The following EDIL3 variants were observed in gnomAD, a reference collection of about 807,000 sequenced individuals.
The protein encoded by EDIL3 is EGF-like repeat and discoidin I-like domain-containing protein 3.
In EDIL3, 37 loss-of-function variants were observed where a neutral mutation model predicts 67.4. That is an observed-to-expected ratio of 0.55 (90% confidence interval 0.42 to 0.72). The LOEUF is 0.72. Among genes scored for constraint, EDIL3 ranks in the 30% least tolerant of loss-of-function variants. The probability of loss-of-function intolerance (pLI) is 0.00; values close to 1 mark genes in which losing one functional copy is unlikely to be tolerated. For missense variants in EDIL3, 527 were observed against 586.3 expected (o/e 0.90, Z 1.04); for synonymous variants, 195 against 196.3 (o/e 0.99, Z 0.05).
At chr5:84,220,058 T>C (rs13166502) in intron 3 of EDIL3, among the ~76,000 whole-genome samples, 26,249 of 152,038 alleles carry the variant, frequency 0.17, 2,339 homozygotes, top group East Asian at 0.34. Context: ...CACAGCAGGG[T>C]AACTGCAGTC....
chr5:84,129,977 A>G (rs1337868160), intron 5 of EDIL3, among the ~76,000 whole-genome samples: 1 of 152,176 alleles, frequency 6.6e-6, no homozygotes, highest in Non-Finnish European at 1.5e-5. Flanking sequence ...ATTCTTAAAG[A>G]CAAAGGATCT....
intron 1 of EDIL3, among the ~76,000 whole-genome samples, chr5:84,302,490 G>T (rs1746181250): frequency 6.6e-6 from 1 of 152,120 alleles, no homozygotes; most frequent in Non-Finnish European, 1.5e-5. Context: ...TAAAGACGGG[G>T]TTTCACTGTG....
rs146077789 is a variant in EDIL3, at chr5:83,943,313, GA to G, written c.*105del. The G allele has an allele frequency of 0.21, 252,400 of 1,217,002 alleles. 1,284 individuals are homozygous for G. The highest frequency in any genetic ancestry group is 0.32 in the East Asian group (11,658 of 35,970). The allele number at this position is 1,217,002 out of a possible 1,614,324, so 75.4% of individuals were successfully genotyped here. ...TACCATAATTTGAGCACTTTTTCATGAAAAAAAAAAAAAAACCATTCAGTTT... is the reference window on the plus strand; with the variant it reads ...TACCATAATTTGAGCACTTTTTCATGAAAAAAAAAAAAAACCATTCAGTTT... On this transcript the variant is annotated 3_prime_UTR_variant, in exon 11 of 11. Transcript: ENST00000296591.
At chr5:84,004,289 C>T (rs550015715) in intron 9 of EDIL3, among the ~76,000 whole-genome samples, 1 of 152,082 alleles carries the variant, frequency 6.6e-6, no homozygotes, top group East Asian at 1.9e-4. Context: ...ATCAAAGATA[C>T]TTGGGGCCTA....
intron 3 of EDIL3, among the ~76,000 whole-genome samples, chr5:84,185,418 C>CT (rs936714181): frequency 8.6e-5 from 13 of 152,014 alleles, no homozygotes. Context: ...CTTGTACAGA[C>CT]TTTTTTTCAA....
intron 9 of EDIL3, among the ~76,000 whole-genome samples, chr5:84,033,704 TAAA>T (rs71605889): frequency 0.014 from 1,259 of 92,786 alleles, 30 homozygotes; most frequent in African/African-American, 0.045. Flanking sequence ...ACATTGTCTC[TAAA>T]AAAAAAAAAA....
At chr5:84,203,111 G>C (rs1743880704) in intron 3 of EDIL3, among the ~76,000 whole-genome samples, 1 of 152,044 alleles carries the variant, frequency 6.6e-6, no homozygotes, top group Non-Finnish European at 1.5e-5. Flanking sequence ...AAGAAGTAAT[G>C]GATTGTTGTT....
intron 4 of EDIL3, among the ~76,000 whole-genome samples, chr5:84,157,181 C>T (rs1482362817): frequency 1.3e-5 from 2 of 151,876 alleles, no homozygotes; most frequent in Non-Finnish European, 2.9e-5. Flanking sequence ...TTGGTTTTCT[C>T]TTTAAAAAGA....
At chr5:84,066,698 C>T in intron 6 of EDIL3, 92 bp from the exon 7 acceptor site, 1 of 1,427,556 alleles carries the variant, frequency 7.0e-7, no homozygotes. Context: ...ATTGTTAATG[C>T]AGATTAATAA....
Position 84,230,763 on chromosome 5 carries a change from A to ATGTGTGTGTGTGTGTGTGTGTG in EDIL3, c.197-901_197-880dup, listed in dbSNP as rs59552122. ...CTCTCTCTCTCTCTCCCACTACGTG[A>ATGTGTGTGTGTGTGTGTGTGTG]TGTGTGTGTGTGTGTGTGTGTGTGT... is the stretch of plus-strand genomic sequence containing the variant. On this transcript the variant is annotated intron_variant, in intron 2 of 10. Transcript: ENST00000296591. 1.0e-3 allele frequency among the ~76,000 whole-genome samples: 144 copies of ATGTGTGTGTGTGTGTGTGTGTG among 137,222 alleles called. 1 individual carries two copies. The highest frequency in any genetic ancestry group is 2.5e-3 in the South Asian group (10 of 3,986). 90.0% of individuals were successfully genotyped at this position (137,222 alleles called of 152,430 possible).
intron 6 of EDIL3, among the ~76,000 whole-genome samples, chr5:84,103,788 C>T (rs1386313146): frequency 1.3e-5 from 2 of 151,984 alleles, no homozygotes; most frequent in East Asian, 1.9e-4. Context: ...ATTATTTCAA[C>T]GATTGTGGAA....
At chr5:84,348,415 T>C (rs980242948) in intron 1 of EDIL3, among the ~76,000 whole-genome samples, 1 of 152,126 alleles carries the variant, frequency 6.6e-6, no homozygotes, top group Admixed American at 6.6e-5. Context: ...GCCTGCTGTA[T>C]CCATCTTGCC....
At chr5:84,229,271 C>T (rs1286714766) in intron 3 of EDIL3, among the ~76,000 whole-genome samples, 1 of 152,136 alleles carries the variant, frequency 6.6e-6, no homozygotes, top group Non-Finnish European at 1.5e-5. Context: ...AGGCCACAGC[C>T]TGTGTTTGAT....
rs1748348759 is a variant in EDIL3, at chr5:84,149,419, G to A, written c.356-12065C>T. 2.6e-5 allele frequency among the ~76,000 whole-genome samples: 4 copies of A among 152,300 alleles called. No individual in the cohort carries two copies. The South Asian group carries it at 8.3e-4, about 32-fold the overall frequency. Reference sequence around the variant, plus strand: ...AAACTGTTTCATGGGGCATTGGGCAGAGGACCCAGAATGGTTTTGTCTTAG... The same window carrying A: ...AAACTGTTTCATGGGGCATTGGGCAAAGGACCCAGAATGGTTTTGTCTTAG... On this transcript the variant is annotated intron_variant, in intron 4 of 10. Transcript: ENST00000296591.
At chr5:83,979,050 G>T (rs1482488694) in intron 9 of EDIL3, among the ~76,000 whole-genome samples, 1 of 151,882 alleles carries the variant, frequency 6.6e-6, no homozygotes, top group Non-Finnish European at 1.5e-5. Flanking sequence ...AAAGTCCTAA[G>T]AACTATGATA....
rs371587775 is a variant in EDIL3 at position 84,371,936 on chromosome 5, G to C, written c.67+12372C>G. 3.3e-5 allele frequency among the ~76,000 whole-genome samples: 5 copies of C among 151,932 alleles called. No individual in the cohort carries two copies. In the East Asian group the frequency reaches 5.8e-4, roughly 18 times the overall value. The stretch of plus-strand genomic sequence containing the variant: ...CAATTCAAACTTTCAGTCCCACCAC[G>C]ATCTATGGATCCCATCACTTTTTGA... On this transcript the variant is annotated intron_variant, in intron 1 of 10. Coordinates refer to ENST00000296591, the MANE Select transcript of EDIL3 (RefSeq NM_005711.5).
chr5:84,124,575 G>A (rs1747832992), intron 5 of EDIL3, among the ~76,000 whole-genome samples: 2 of 151,986 alleles, frequency 1.3e-5, no homozygotes, highest in South Asian at 4.1e-4. Flanking sequence ...ATAGATAATT[G>A]TGCATTAGAA....
chr5:84,348,336 G>A (rs1747275900), intron 1 of EDIL3, among the ~76,000 whole-genome samples: 1 of 152,084 alleles, frequency 6.6e-6, no homozygotes, highest in South Asian at 2.1e-4. Context: ...AATGGTATGG[G>A]AGCTGGGCAT....
intron 1 of EDIL3, among the ~76,000 whole-genome samples, chr5:84,306,318 C>A (rs1746275995): frequency 6.6e-6 from 1 of 152,236 alleles, no homozygotes; most frequent in South Asian, 2.1e-4. Context: ...CCTTTAAAGT[C>A]ATAACATTTG....
Sources: gnomAD v4.1 joint callset for allele counts (sites outside exome capture counted in the v4.1 genomes callset) on GRCh38, gnomAD v4.1.1 for gene constraint, MANE v1.5 for transcripts, NCBI Gene and HGNC (gene_info 2026-07-23, HGNC 2026-07-21) for gene names.